The following PLXNA4 variants were observed in gnomAD, a reference collection of about 807,000 sequenced individuals.
PLXNA4 encodes the protein plexin A4, also known as plexin-A4.
In PLXNA4, 44 loss-of-function variants were observed where a neutral mutation model predicts 191.8. That is an observed-to-expected ratio of 0.23 (90% CI 0.18 to 0.29). PLXNA4 has a LOEUF of 0.29. Among genes scored for constraint, PLXNA4 ranks in the 10% least tolerant of loss-of-function variants. The pLI, the probability that PLXNA4 is intolerant of heterozygous loss-of-function variation, is 1.00. For missense variants in PLXNA4, 1,800 were observed against 2,488.8 expected (o/e 0.72, Z 5.89); for synonymous variants, 1,082 against 1,009.5 (o/e 1.07, Z -1.36).
chr7:132,469,927 C>T lies in PLXNA4; in HGVS notation c.1371+19365G>A, dbSNP rs73724011. Among the ~76,000 whole-genome samples the T allele has an allele frequency of 4.8e-3, 735 of 152,264 alleles. 6 individuals are homozygous for T. The highest frequency in any genetic ancestry group is 0.017 in the African/African-American group (705 of 41,544). ...ACAACCAAGGTCGGTGGTGACTCCC[C>T]TTTGGGAGAGAGGACACCATTTGCC... On this transcript the variant is annotated intron_variant, in intron 3 of 31. Transcript: ENST00000321063.
At chr7:132,521,372 T>G (rs73158877) in intron 1 of PLXNA4, among the ~76,000 whole-genome samples, 5,639 of 152,070 alleles carry the variant, frequency 0.037, 182 homozygotes, top group Non-Finnish European at 0.053. Context: ...AAGTGTAATA[T>G]ATAGTGTACA....
At position 132,298,270 on chromosome 7, in the gene PLXNA4, C is replaced by T. The variant is rs532494065; in HGVS notation, c.1372-48G>A. On this transcript the variant is annotated intron_variant, in intron 3 of 31. Coordinates refer to ENST00000321063, the MANE Select transcript of PLXNA4 (RefSeq NM_020911.2). ...CAAAGTGAGTTCAGATCCTGCACTGCCCACAGCCAAACTTCAGCCAAAGAC... is the reference window on the plus strand; with the variant it reads ...CAAAGTGAGTTCAGATCCTGCACTGTCCACAGCCAAACTTCAGCCAAAGAC... 1.9e-6 allele frequency: 3 copies of T among 1,568,064 alleles called. No homozygotes were observed. In the African/African-American group the frequency reaches 4.1e-5, roughly 21 times the overall value.
intron 1 of PLXNA4, among the ~76,000 whole-genome samples, chr7:132,648,337 C>A (rs1803925612): frequency 6.6e-6 from 1 of 152,146 alleles, no homozygotes; most frequent in South Asian, 2.1e-4. Context: ...CCAACTCTTA[C>A]CAATTTTTCA....
At position 132,576,405 on chromosome 7, in the gene PLXNA4, G is replaced by A. The variant is rs1459859450; in HGVS notation, c.-87+17C>T. ...GCCGCCCGCCCGGCCCCACTCCCCG[G>A]CGGGCCGGCTCCTTACCTGGACGCG... On this transcript the variant is annotated intron_variant, in intron 1 of 31. Coordinates refer to ENST00000321063, the MANE Select transcript of PLXNA4 (RefSeq NM_020911.2). The surrounding 1 kb of genome is among the most constrained non-coding windows in gnomAD (Gnocchi z 5.8). 11 of 985,846 alleles carry A rather than the reference G, an allele frequency of 1.1e-5. No homozygotes were observed. Among genetic ancestry groups the A allele is most frequent in the Non-Finnish European group, 1.3e-5 (11 of 829,996 alleles). The allele number at this position is 985,846 out of a possible 1,614,324, so 61.1% of individuals were successfully genotyped here.
intron 1 of PLXNA4, among the ~76,000 whole-genome samples, chr7:132,519,606 C>T (rs1799091704): frequency 6.6e-6 from 1 of 152,226 alleles, no homozygotes; most frequent in Non-Finnish European, 1.5e-5. Context: ...CTCTAACCTA[C>T]ACTCCCTGTA....
chr7:132,222,390 G>T (rs946484376), intron 9 of PLXNA4, among the ~76,000 whole-genome samples: 5 of 152,200 alleles, frequency 3.3e-5, no homozygotes, highest in African/African-American at 1.2e-4. Context: ...TTTGGCCAAA[G>T]GTAGGATTCT....
At chr7:132,269,291 T>C (rs1799971159) in intron 4 of PLXNA4, among the ~76,000 whole-genome samples, 1 of 152,350 alleles carries the variant, frequency 6.6e-6, no homozygotes, top group East Asian at 1.9e-4. Flanking sequence ...TATTTTTGAA[T>C]AGACTATTTT....
intron 3 of PLXNA4, among the ~76,000 whole-genome samples, chr7:132,453,025 G>A (rs183946856): frequency 6.6e-6 from 1 of 152,182 alleles, no homozygotes; most frequent in Non-Finnish European, 1.5e-5. Context: ...GCAGGCAACA[G>A]TTAGGGAGCC....
At chr7:132,263,962 T>C (rs1052029188) in intron 4 of PLXNA4, among the ~76,000 whole-genome samples, 3 of 152,224 alleles carry the variant, frequency 2.0e-5, no homozygotes, top group Non-Finnish European at 4.4e-5. Context: ...CTAGGGTGCA[T>C]AAATGATAGT....
At chr7:132,417,034 G>T (rs1000917327) in intron 3 of PLXNA4, among the ~76,000 whole-genome samples, 14 of 151,910 alleles carry the variant, frequency 9.2e-5, no homozygotes, top group Admixed American at 2.0e-4. Flanking sequence ...TATAAGTCCT[G>T]CAACGGAATG....
intron 2 of PLXNA4, among the ~76,000 whole-genome samples, chr7:132,630,504 GTTTT>G (rs960317329): frequency 3.3e-5 from 5 of 149,400 alleles, no homozygotes; most frequent in African/African-American, 5.1e-5. Context: ...TCCACTTTGG[GTTTT>G]TTTGTTTTTT....
At chr7:132,628,361 T>G (rs573007002) in intron 2 of PLXNA4, among the ~76,000 whole-genome samples, 5 of 150,406 alleles carry the variant, frequency 3.3e-5, no homozygotes, top group East Asian at 1.9e-4. Context: ...GCTCTCTCTC[T>G]CTCTCTGTTT....
chr7:132,339,520 C>A (rs999465193), intron 3 of PLXNA4, among the ~76,000 whole-genome samples: 5 of 152,128 alleles, frequency 3.3e-5, no homozygotes, highest in Non-Finnish European at 4.4e-5. Flanking sequence ...TTTCTCCTTG[C>A]CAAGATATTT....
At chr7:132,344,384 A>G (rs957176780) in intron 3 of PLXNA4, among the ~76,000 whole-genome samples, 3 of 152,196 alleles carry the variant, frequency 2.0e-5, no homozygotes, top group Admixed American at 1.3e-4. Context: ...AGACAAAAAA[A>G]CAGAAAAACT....
chr7:132,126,862 T>G lies in PLXNA4; in HGVS notation c.*3617A>C, dbSNP rs980434370. On this transcript the variant is annotated 3_prime_UTR_variant, in exon 32 of 32. Coordinates refer to ENST00000321063, the MANE Select transcript of PLXNA4 (RefSeq NM_020911.2). ...TTGGGTTATCCACTGTTCCCAAATT[T>G]AAAACCATACTGAAAGAAGAAGGCA... The G allele has an allele frequency of 6.6e-6, 1 of 152,132 alleles. No homozygotes were observed. Among genetic ancestry groups the G allele is most frequent in the Non-Finnish European group, 1.5e-5 (1 of 68,034 alleles). 9.4% of individuals were successfully genotyped at this position (152,132 alleles called of 1,614,324 possible).
intron 4 of PLXNA4, chr7:132,264,271 G>C (rs1212934234): frequency 6.6e-6 from 1 of 152,160 alleles, no homozygotes; most frequent in African/African-American, 2.4e-5. Flanking sequence ...CTCTCCCCTG[G>C]AGTTTGCTCC....
In PLXNA4 at chr7:132,226,266, A is replaced by T. The variant is rs754053452; in HGVS notation, c.1883-6T>A. ...CTGTACGACATGGTGGTCCCCTACA[A>T]GGAGAGATGGCTGAGGGGTCAGGGA... On this transcript the variant is annotated splice_region_variant and splice_polypyrimidine_tract_variant and intron_variant, in intron 7 of 31. Transcript: ENST00000321063. 21 of 1,611,124 alleles carry T rather than the reference A, an allele frequency of 1.3e-5. No homozygotes were observed. The highest frequency in any genetic ancestry group is 1.8e-5 in the Non-Finnish European group (21 of 1,178,090).
chr7:132,553,079 G>T (rs1310676328), intron 1 of PLXNA4, among the ~76,000 whole-genome samples: 4 of 152,130 alleles, frequency 2.6e-5, no homozygotes, highest in Non-Finnish European at 5.9e-5. Flanking sequence ...GTATCTCTGG[G>T]TGGACCTCAC....
intron 3 of PLXNA4, among the ~76,000 whole-genome samples, chr7:132,481,372 C>T (rs1267423213): frequency 6.6e-6 from 1 of 151,950 alleles, no homozygotes; most frequent in Non-Finnish European, 1.5e-5. Context: ...CCCTACAGCC[C>T]AGGAGCCAGG....
Sources: allele counts gnomAD v4.1 joint callset (sites outside exome capture counted in the v4.1 genomes callset), GRCh38; gene constraint gnomAD v4.1.1; non-coding constraint Gnocchi (gnomAD v3.1); transcripts MANE v1.5; gene names NCBI Gene and HGNC (gene_info 2026-07-23, HGNC 2026-07-21).